The following SLC12A7 variants were observed in gnomAD, a reference collection of about 807,000 sequenced individuals.
The protein encoded by SLC12A7 is solute carrier family 12 member 7, also known as K-Cl cotransporter 4.
A neutral mutation model predicts 120.6 loss-of-function variants in SLC12A7; 100 were observed. That is an observed-to-expected ratio of 0.83 (90% CI 0.71 to 0.98). The LOEUF (loss-of-function observed/expected upper bound fraction) is 0.98. SLC12A7 is among the 50% of genes least tolerant of loss of function. The pLI, the probability that SLC12A7 is intolerant of heterozygous loss-of-function variation, is 0.00. For missense variants in SLC12A7, 1,373 were observed against 1,548.1 expected (o/e 0.89, Z 1.90); for synonymous variants, 760 against 678.0 (o/e 1.12, Z -1.88).
chr5:1,086,389 C>T (rs1245148465), intron 6 of SLC12A7, among the ~76,000 whole-genome samples: 2 of 152,150 alleles, frequency 1.3e-5, no homozygotes, highest in Non-Finnish European at 2.9e-5. Context: ...CCCACGAGGA[C>T]CAAGGAACTC....
chr5:1,063,253 C>T (rs13175056), intron 20 of SLC12A7, among the ~76,000 whole-genome samples: 1 of 152,216 alleles, frequency 6.6e-6, no homozygotes, highest in South Asian at 2.1e-4. Context: ...GCCTCACTGA[C>T]CAGTGCCCCT....
rs1053379296 is a variant in SLC12A7, at chr5:1,075,439, G to A, written c.1899C>T (p.Cys633=). The change falls in exon 15 of 24, where the codon TGC becomes TGT. Residue 633 remains cysteine (C), a synonymous_variant. Transcript: ENST00000264930. ...MSLCLALMFI[C]SWYYALSAML... ...TGGCGGACAGCGCGTAGTACCAGGA[G>A]CAGATGAACATCAGCGCCAGGCACA... 3 of 1,612,626 alleles carry A rather than the reference G, an allele frequency of 1.9e-6. No homozygotes were observed. In the Admixed American group the frequency reaches 5.0e-5, roughly 27 times the overall value.
the SLC12A7 span, among the ~76,000 whole-genome samples, chr5:1,128,535 G>C: frequency 6.6e-6 from 1 of 152,208 alleles, no homozygotes; most frequent in East Asian, 1.9e-4. Flanking sequence ...TCTTCTCATA[G>C]GGAGGAAAAG....
the SLC12A7 span, among the ~76,000 whole-genome samples, chr5:1,149,933 G>A: frequency 6.6e-6 from 1 of 152,268 alleles, no homozygotes; most frequent in Admixed American, 6.5e-5. Flanking sequence ...GGGAGGCTGA[G>A]GCAGGAGAAT....
intron 1 of SLC12A7, among the ~76,000 whole-genome samples, chr5:1,102,183 G>A (rs1459985579): frequency 2.0e-5 from 3 of 152,184 alleles, no homozygotes; most frequent in Non-Finnish European, 4.4e-5. Flanking sequence ...CCAGACACAC[G>A]AGTGTCCCGG....
intron 6 of SLC12A7, 109 bp downstream of exon 6, chr5:1,086,794 G>T: frequency 1.4e-6 from 2 of 1,450,818 alleles, no homozygotes; most frequent in South Asian, 1.3e-5. Context: ...GGGCAGTGGG[G>T]TCAGGATGGC....
At position 1,075,525 on chromosome 5, in the gene SLC12A7, C is replaced by A. The variant is rs772791895; in HGVS notation, c.1848-35G>T. 1.1e-5 allele frequency: 18 copies of A among 1,589,958 alleles called. No individual in the cohort carries two copies. In the East Asian group the frequency reaches 3.6e-4, roughly 32 times the overall value. On this transcript the variant is annotated intron_variant, in intron 14 of 23. Coordinates refer to ENST00000264930, the MANE Select transcript of SLC12A7 (RefSeq NM_006598.3). The stretch of plus-strand genomic sequence containing the variant: ...GGGCAAGTGGCTCGGGGCGGCCCAA[C>A]GCCATGCAGCCCCCACACCTCAGCC...
chr5:1,109,243 G>A (rs923335178), intron 1 of SLC12A7, among the ~76,000 whole-genome samples: 1 of 152,014 alleles, frequency 6.6e-6, no homozygotes, highest in Non-Finnish European at 1.5e-5. Flanking sequence ...GCCTCTGGAC[G>A]CACCCCTACA....
the SLC12A7 span, among the ~76,000 whole-genome samples, chr5:1,146,006 A>G: frequency 6.6e-6 from 1 of 152,050 alleles, no homozygotes; most frequent in South Asian, 2.1e-4. This position sits in a 1 kb window ranked among gnomAD's most constrained non-coding sequence, Gnocchi z 6.5. Context: ...CACCCATTAA[A>G]CTGACTCCCA....
At chr5:1,109,882 TG>T (rs1742862273) in intron 1 of SLC12A7, among the ~76,000 whole-genome samples, 1 of 152,244 alleles carries the variant, frequency 6.6e-6, no homozygotes, top group Non-Finnish European at 1.5e-5. Flanking sequence ...AGGAAGAGCT[TG>T]GGTGCTGGTA....
At chr5:1,131,862 A>T in the SLC12A7 span, among the ~76,000 whole-genome samples, 3 of 152,198 alleles carry the variant, frequency 2.0e-5, no homozygotes, top group Non-Finnish European at 2.9e-5. Context: ...GCAGCTTCCC[A>T]GGTGGGGCCC....
chr5:1,137,796 G>A, the SLC12A7 span, among the ~76,000 whole-genome samples: 29 of 152,356 alleles, frequency 1.9e-4, no homozygotes, highest in African/African-American at 3.4e-4. Context: ...TCTGGCTGGC[G>A]GAGAAGACAG....
chr5:1,086,207 C>T (rs1739847210), intron 6 of SLC12A7, among the ~76,000 whole-genome samples: 1 of 152,186 alleles, frequency 6.6e-6, no homozygotes, highest in African/African-American at 2.4e-5. Context: ...GGCCATGTGG[C>T]TCTCTTCAGG....
intron 11 of SLC12A7, among the ~76,000 whole-genome samples, chr5:1,078,304 C>T (rs1037832250): frequency 1.6e-4 from 24 of 152,110 alleles, no homozygotes; most frequent in African/African-American, 3.6e-4. Flanking sequence ...CCAGGACCCC[C>T]GGGGCCTTGG....
the SLC12A7 span, among the ~76,000 whole-genome samples, chr5:1,152,312 C>T: frequency 4.6e-5 from 7 of 152,234 alleles, no homozygotes; most frequent in Non-Finnish European, 7.4e-5. Flanking sequence ...GCCTGCAAGG[C>T]TGACTCTGCG....
chr5:1,088,438 T>C (rs963907098), intron 4 of SLC12A7, 78 bp from the exon 5 acceptor site: 2 of 1,459,782 alleles, frequency 1.4e-6, no homozygotes, highest in African/African-American at 2.8e-5. Context: ...AGTCAGGGTC[T>C]ATGACCCGGC....
At chr5:1,148,209 T>G in the SLC12A7 span, among the ~76,000 whole-genome samples, 1 of 139,564 alleles carries the variant, frequency 7.2e-6, no homozygotes, top group Non-Finnish European at 1.6e-5. Context: ...TTCTTTCTTT[T>G]TTTTTTTTTT....
chr5:1,085,403 T>C lies in SLC12A7; in HGVS notation c.746A>G (p.His249Arg), dbSNP rs1739724672. 6.2e-7 allele frequency: 1 copy of C among 1,611,044 alleles called. No individual in the cohort carries two copies. Among genetic ancestry groups the C allele is most frequent in the Admixed American group, 1.7e-5 (1 of 59,834 alleles). Residue 249 changes from histidine to arginine, a missense_variant, in exon 7 of 24, where the codon CAC becomes CGC. Physicochemically the swap from His to Arg is conservative, Grantham distance 29. Coordinates refer to ENST00000264930, the MANE Select transcript of SLC12A7 (RefSeq NM_006598.3). ...GCACGTGCCGTACACACGCATGTTG[T>C]GCAGCATGGCGGCCGCCTCGCCACC... is the stretch of plus-strand genomic sequence containing the variant. ...AAGGEAAAML[H>R]NMRVYGTCTL...
the SLC12A7 span, among the ~76,000 whole-genome samples, chr5:1,153,182 C>A: frequency 6.6e-6 from 1 of 152,182 alleles, no homozygotes; most frequent in Non-Finnish European, 1.5e-5. Context: ...TCTCTACCCC[C>A]GGGTGCTGAC....
Sources: gnomAD v4.1 joint callset for allele counts (sites outside exome capture counted in the v4.1 genomes callset) on GRCh38, gnomAD v4.1.1 for gene constraint, Gnocchi (gnomAD v3.1) non-coding constraint, MANE v1.5 for transcripts, NCBI Gene and HGNC (gene_info 2026-07-23, HGNC 2026-07-21) for gene names.